The following BCKDHB variants were observed in gnomAD, a reference collection of about 807,000 sequenced individuals.
BCKDHB encodes 2-oxoisovalerate dehydrogenase subunit beta, mitochondrial.
BCKDHB carries 41 observed loss-of-function variants against 48.5 expected under a neutral mutation model. That is an observed-to-expected ratio of 0.85 (90% CI 0.66 to 1.10). BCKDHB has a LOEUF of 1.10. BCKDHB is among the 50% of genes least tolerant of loss of function. BCKDHB has a pLI of 0.00. For synonymous variants in BCKDHB, 201 were observed against 174.8 expected (o/e 1.15, Z -1.18); for missense variants, 496 against 494.2 (o/e 1.00, Z -0.03).
At chr6:80,455,317 G>T in the BCKDHB span, among the ~76,000 whole-genome samples, 1 of 151,856 alleles carries the variant, frequency 6.6e-6, no homozygotes, top group Non-Finnish European at 1.5e-5. Flanking sequence ...TACAAATTCT[G>T]GAAGGTTTAC....
intron 9 of BCKDHB, among the ~76,000 whole-genome samples, chr6:80,336,437 C>T (rs1319324490): frequency 1.4e-5 from 2 of 139,200 alleles, no homozygotes; most frequent in Admixed American, 7.7e-5. Flanking sequence ...AATAAAAATC[C>T]TAATTTAGGA....
chr6:80,464,154 G>A, the BCKDHB span, among the ~76,000 whole-genome samples: 12 of 152,002 alleles, frequency 7.9e-5, no homozygotes, highest in African/African-American at 2.9e-4. Flanking sequence ...TTGAAGTGGA[G>A]TCTCACTCTG....
chr6:80,178,703 T>C (rs1342534053), intron 6 of BCKDHB, among the ~76,000 whole-genome samples: 1 of 152,158 alleles, frequency 6.6e-6, no homozygotes, highest in African/African-American at 2.4e-5. Flanking sequence ...TGCCATTTTA[T>C]AGATGAGGAA....
intron 6 of BCKDHB, among the ~76,000 whole-genome samples, chr6:80,192,975 T>C (rs1773968519): frequency 6.6e-6 from 1 of 151,964 alleles, no homozygotes; most frequent in Non-Finnish European, 1.5e-5. Flanking sequence ...CGTGCCACCA[T>C]GCCTGGCTAA....
intron 8 of BCKDHB, among the ~76,000 whole-genome samples, chr6:80,269,469 A>G (rs990870526): frequency 5.3e-5 from 8 of 152,094 alleles, no homozygotes; most frequent in Non-Finnish European, 1.2e-4. Context: ...GTTTTATGGT[A>G]GAGGAGTTAT....
chr6:80,397,988 A>G, the BCKDHB span, among the ~76,000 whole-genome samples: 1 of 152,366 alleles, frequency 6.6e-6, no homozygotes, highest in South Asian at 2.1e-4. Context: ...TTGTGGGTAA[A>G]TATTAGAATT....
intron 9 of BCKDHB, among the ~76,000 whole-genome samples, chr6:80,339,012 A>G (rs77486489): frequency 4.6e-5 from 7 of 151,816 alleles, no homozygotes; most frequent in Non-Finnish European, 7.4e-5. Flanking sequence ...CATAAAAAAA[A>G]AAATTGTTGA....
chr6:80,298,773 G>A (rs1767399401), intron 9 of BCKDHB, among the ~76,000 whole-genome samples: 1 of 152,192 alleles, frequency 6.6e-6, no homozygotes, highest in Non-Finnish European at 1.5e-5. Flanking sequence ...GCAGGGTGGG[G>A]AAGATGAAGA....
chr6:80,171,298 G>A lies in BCKDHB; in HGVS notation c.650G>A (p.Ser217Asn). The change falls in exon 6 of 10, where the codon AGC becomes AAC. Residue 217 changes from serine to asparagine, a missense_variant. Coordinates refer to ENST00000320393, the MANE Select transcript of BCKDHB (RefSeq NM_183050.4). Reference protein sequence around the residue: ...CPGIKVVIPRSPFQAKGLLLS... With the variant: ...CPGIKVVIPRNPFQAKGLLLS... ...TTTTTGCAGGTGGTTATACCCAGAA[G>A]CCCTTTCCAGGCCAAAGGACTTCTT... The A allele has an allele frequency of 5.6e-6, 9 of 1,608,046 alleles. No homozygotes were observed. Among genetic ancestry groups the A allele is most frequent in the Non-Finnish European group, 6.8e-6 (8 of 1,176,982 alleles).
chr6:80,323,849 T>C (rs1488989142), intron 9 of BCKDHB, among the ~76,000 whole-genome samples: 3 of 152,180 alleles, frequency 2.0e-5, no homozygotes, highest in Non-Finnish European at 4.4e-5. Context: ...CTTGGCTCAC[T>C]GCAAGCTCCG....
At chr6:80,160,775 T>C (rs746060120) in intron 3 of BCKDHB, among the ~76,000 whole-genome samples, 2 of 152,252 alleles carry the variant, frequency 1.3e-5, no homozygotes, top group Non-Finnish European at 2.9e-5. Flanking sequence ...AAGTCAAATA[T>C]ACAGTCAGCC....
chr6:80,154,834 TTCTA>T (rs1771961658), intron 3 of BCKDHB, among the ~76,000 whole-genome samples: 2 of 152,146 alleles, frequency 1.3e-5, no homozygotes, highest in Admixed American at 6.6e-5. Context: ...ATTCGAGGGC[TTCTA>T]TCTATTTAAT....
intron 6 of BCKDHB, among the ~76,000 whole-genome samples, chr6:80,175,511 A>T (rs1773108867): frequency 6.6e-6 from 1 of 152,182 alleles, no homozygotes; most frequent in Non-Finnish European, 1.5e-5. Flanking sequence ...TCAGCTGTTT[A>T]CCCTTTGACT....
chr6:80,109,072 A>G (rs1040738308), intron 1 of BCKDHB, among the ~76,000 whole-genome samples: 2 of 152,214 alleles, frequency 1.3e-5, no homozygotes, highest in African/African-American at 4.8e-5. Flanking sequence ...GAACTGTTCC[A>G]TGGAGTAGAG....
At position 80,282,991 on chromosome 6, in the gene BCKDHB, T is replaced by C. The variant is rs562758118; in HGVS notation, c.1038+9770T>C. Among the ~76,000 whole-genome samples the C allele has an allele frequency of 9.9e-4, 150 of 152,232 alleles. 1 individual carries two copies. In the Middle Eastern group the frequency reaches 0.01, roughly 10 times the overall value. On this transcript the variant is annotated intron_variant, in intron 9 of 9. Transcript: ENST00000320393. The stretch of plus-strand genomic sequence containing the variant: ...TATCATGTACATTTGAGTTTTGGGA[T>C]TTACCATTCATAGTGATGGTGGTTA...
intron 5 of BCKDHB, chr6:80,169,758 G>T: frequency 6.5e-7 from 1 of 1,531,260 alleles, no homozygotes; most frequent in Non-Finnish European, 8.9e-7. Flanking sequence ...TGAATTGATT[G>T]TGAGCATGTG....
chr6:80,317,999 T>A (rs1035247371), intron 9 of BCKDHB, among the ~76,000 whole-genome samples: 1 of 152,172 alleles, frequency 6.6e-6, no homozygotes, highest in African/African-American at 2.4e-5. Flanking sequence ...CTGCCAGTGT[T>A]CTTCCTATAA....
At chr6:80,117,277 A>G (rs1378805592) in intron 1 of BCKDHB, among the ~76,000 whole-genome samples, 1 of 152,222 alleles carries the variant, frequency 6.6e-6, no homozygotes, top group African/African-American at 2.4e-5. Flanking sequence ...TACAAGACGA[A>G]TAGATTCTTT....
chr6:80,210,433 G>A (rs1774869358), intron 8 of BCKDHB, among the ~76,000 whole-genome samples: 3 of 152,064 alleles, frequency 2.0e-5, no homozygotes. Context: ...TCATGAGAGT[G>A]GTTAATAATT....
Sources: allele counts gnomAD v4.1 joint callset (sites outside exome capture counted in the v4.1 genomes callset), GRCh38; gene constraint gnomAD v4.1.1; transcripts MANE v1.5; gene names NCBI Gene and HGNC (gene_info 2026-07-23, HGNC 2026-07-21).